The following ROR2 variants were observed in gnomAD, a reference collection of about 807,000 sequenced individuals.
ROR2 encodes the protein ROR family WNT receptor 2.
A neutral mutation model predicts 74.9 loss-of-function variants in ROR2; 33 were observed. The ratio of observed to expected loss-of-function variants is 0.44; its 90% CI spans 0.33 to 0.59. ROR2 has a LOEUF of 0.59. Ranked by LOEUF, ROR2 falls within the 20% of genes least tolerant of loss-of-function variation. ROR2 has a pLI of 0.02. For synonymous variants in ROR2, 586 were observed against 558.7 expected, an observed-to-expected ratio of 1.05 and a Z score of -0.69; for missense variants, 1,216 against 1,313.8, an observed-to-expected ratio of 0.93 and a Z score of 1.15.
At chr9:91,838,225 CTTAGCCTA>C (rs527617220) in intron 1 of ROR2, among the ~76,000 whole-genome samples, 178 of 152,326 alleles carry the variant, frequency 1.2e-3, no homozygotes, top group African/African-American at 4.1e-3. Context: ...AAATGCTCAA[CTTAGCCTA>C]TTAGCTTATA....
At position 91,938,928 on chromosome 9, in the gene ROR2, G is replaced by C. The variant is rs542994875; in HGVS notation, c.97+10939C>G. ...AAGGAAGAGCATGAGTATTTCCTTA[G>C]AGTGGGCCATGGAGTATGTGCATTT... On this transcript the variant is annotated intron_variant, in intron 1 of 8. Transcript: ENST00000375708. 5.3e-5 allele frequency among the ~76,000 whole-genome samples: 8 copies of C among 152,298 alleles called. No individual in the cohort carries two copies. The South Asian group carries it at 1.7e-3, about 32-fold the overall frequency.
At chr9:91,864,426 G>T (rs1651217828) in intron 1 of ROR2, among the ~76,000 whole-genome samples, 2 of 152,296 alleles carry the variant, frequency 1.3e-5, no homozygotes, top group Admixed American at 1.3e-4. Flanking sequence ...GACAGGGGAG[G>T]GGATAAGGAG....
intron 1 of ROR2, among the ~76,000 whole-genome samples, chr9:91,857,845 C>T (rs1829346144): frequency 1.3e-5 from 2 of 152,162 alleles, no homozygotes; most frequent in South Asian, 2.1e-4. Flanking sequence ...GAGTATTTAG[C>T]GCTCTCCCAC....
At chr9:91,725,200 G>A (rs1050117959) in intron 8 of ROR2, 93 bp from the exon 9 acceptor site, 79 of 1,597,100 alleles carry the variant, frequency 4.9e-5, no homozygotes, top group Non-Finnish European at 6.2e-5. Flanking sequence ...GTCCCTGTGC[G>A]GCCACGACTA....
At position 91,799,341 on chromosome 9, in the gene ROR2, G is replaced by A. The variant is rs199505857; in HGVS notation, c.98-23523C>T. Among the ~76,000 whole-genome samples the A allele has an allele frequency of 5.9e-5, 9 of 152,314 alleles. No individual in the cohort carries two copies. In the East Asian group the frequency reaches 1.7e-3, roughly 29 times the overall value. On this transcript the variant is annotated intron_variant, in intron 1 of 8. Transcript: ENST00000375708. Reference sequence around the variant, plus strand: ...CTCACTCCCCCCAACACACAGGACAGCCCAGCATGGAGTATGACCGTCCCA... The same window carrying A: ...CTCACTCCCCCCAACACACAGGACAACCCAGCATGGAGTATGACCGTCCCA...
Position 91,733,516 on chromosome 9 carries a change from G to T in ROR2, c.623-80C>A. On this transcript the variant is annotated intron_variant, in intron 5 of 8. Transcript: ENST00000375708. This position sits in a 1 kb window ranked among gnomAD's most constrained non-coding sequence, Gnocchi z 5.7. The stretch of plus-strand genomic sequence containing the variant: ...TTCATCCAGTCCCCACCCCCAGCCT[G>T]GCATCCCAGACTGCCCACTCAGCCC... 1 of 1,457,946 alleles carries T rather than the reference G, an allele frequency of 6.9e-7. No homozygotes were observed. The highest frequency in any genetic ancestry group is 9.2e-7 in the Non-Finnish European group (1 of 1,085,192). The allele number at this position is 1,457,946 out of a possible 1,614,324, so 90.3% of individuals were successfully genotyped here.
intron 1 of ROR2, among the ~76,000 whole-genome samples, chr9:91,790,134 T>C (rs1451056075): frequency 6.6e-6 from 1 of 152,146 alleles, no homozygotes; most frequent in African/African-American, 2.4e-5. Flanking sequence ...CTAGTTACAT[T>C]GTAGTGTGAT....
chr9:91,761,957 T>A (rs1016652003), intron 2 of ROR2, among the ~76,000 whole-genome samples: 5 of 152,220 alleles, frequency 3.3e-5, no homozygotes, highest in African/African-American at 1.2e-4. Context: ...GGGAGATGGA[T>A]TTGAAGCTGA....
chr9:91,832,426 C>A (rs1409900988), intron 1 of ROR2, among the ~76,000 whole-genome samples: 1 of 147,756 alleles, frequency 6.8e-6, no homozygotes, highest in Non-Finnish European at 1.5e-5. Context: ...CGGCCAGGGT[C>A]CACGGTCCAG....
intron 4 of ROR2, 35 bp downstream of exon 4, chr9:91,756,036 C>A (rs1825738413): frequency 6.2e-7 from 1 of 1,608,572 alleles, no homozygotes; most frequent in Non-Finnish European, 8.5e-7. Context: ...ACCCTCAGAG[C>A]AGCAGAACAC....
At position 91,731,168 on chromosome 9, in the gene ROR2, A is replaced by G; in HGVS notation, c.938-13T>C. On this transcript the variant is annotated splice_polypyrimidine_tract_variant and intron_variant, in intron 6 of 8. Transcript: ENST00000375708. ...TAGCACTGATGGTCTGAACAAGGAA[A>G]ACACGTTAGGAAAACCTCCGGGGTA... is the stretch of plus-strand genomic sequence containing the variant. 1.2e-6 allele frequency: 2 copies of G among 1,613,968 alleles called. No individual in the cohort carries two copies. Among genetic ancestry groups the G allele is most frequent in the Non-Finnish European group, 1.7e-6 (2 of 1,180,026 alleles).
At chr9:91,891,495 C>T (rs566215181) in intron 1 of ROR2, among the ~76,000 whole-genome samples, 158 of 152,284 alleles carry the variant, frequency 1.0e-3, no homozygotes, top group African/African-American at 3.5e-3. Context: ...TCTCAAACTC[C>T]TGACCTCTGG....
intron 1 of ROR2, among the ~76,000 whole-genome samples, chr9:91,785,713 G>A (rs1486598044): frequency 6.6e-6 from 1 of 152,068 alleles, no homozygotes; most frequent in Admixed American, 6.5e-5. Flanking sequence ...CAGAGCCCCT[G>A]CGACACGGCT....
intron 1 of ROR2, among the ~76,000 whole-genome samples, chr9:91,906,466 A>C (rs934608225): frequency 8.5e-5 from 13 of 152,182 alleles, no homozygotes; most frequent in Non-Finnish European, 1.5e-5. Context: ...ACAGGCTGCC[A>C]CAAGTCCACT....
intron 1 of ROR2, among the ~76,000 whole-genome samples, chr9:91,907,240 T>C (rs1830843335): frequency 6.6e-6 from 1 of 152,122 alleles, no homozygotes; most frequent in Non-Finnish European, 1.5e-5. Context: ...GCATATAATT[T>C]TTCCCCCTGT....
intron 1 of ROR2, among the ~76,000 whole-genome samples, chr9:91,935,176 C>T (rs182392663): frequency 6.6e-6 from 1 of 152,314 alleles, no homozygotes; most frequent in Admixed American, 6.5e-5. Context: ...AAATCTCCTC[C>T]TTGCACCGCT....
intron 1 of ROR2, among the ~76,000 whole-genome samples, chr9:91,936,793 G>A (rs1357206638): frequency 6.6e-6 from 1 of 151,958 alleles, no homozygotes; most frequent in Non-Finnish European, 1.5e-5. Context: ...CACTTTGGGA[G>A]GCCGAGGCGG....
At chr9:91,906,088 C>A (rs1302002928) in intron 1 of ROR2, among the ~76,000 whole-genome samples, 1 of 151,896 alleles carries the variant, frequency 6.6e-6, no homozygotes, top group Non-Finnish European at 1.5e-5. Flanking sequence ...GTTTTTAAAC[C>A]ACACCAAAAC....
chr9:91,818,024 G>C (rs1349061374), intron 1 of ROR2, among the ~76,000 whole-genome samples: 1 of 152,198 alleles, frequency 6.6e-6, no homozygotes, highest in South Asian at 2.1e-4. Flanking sequence ...GGCCAGAGCG[G>C]TGATCACATG....
Sources: allele counts gnomAD v4.1 joint callset (sites outside exome capture counted in the v4.1 genomes callset), GRCh38; gene constraint gnomAD v4.1.1; non-coding constraint Gnocchi (gnomAD v3.1); transcripts MANE v1.5; gene names NCBI Gene and HGNC (gene_info 2026-07-23, HGNC 2026-07-21).